The following AP1B1 variants were observed in gnomAD, a reference collection of about 807,000 sequenced individuals.
AP1B1 encodes AP-1 complex subunit beta-1.
Under a neutral mutation model 104.3 loss-of-function variants are expected in AP1B1, and 36 were observed. The ratio of observed to expected loss-of-function variants is 0.35; its 90% CI spans 0.26 to 0.46. AP1B1 has a LOEUF of 0.46. AP1B1 is among the 20% of genes least tolerant of loss of function. AP1B1 has a pLI of 1.00. For missense variants in AP1B1, 901 were observed against 1,247.9 expected, an observed-to-expected ratio of 0.72 and a Z score of 4.19; for synonymous variants, 504 against 517.5, an observed-to-expected ratio of 0.97 and a Z score of 0.35.
chr22:29,354,945 G>T (rs2061932834), intron 6 of AP1B1, 74 bp from the exon 7 acceptor site: 2 of 1,347,958 alleles, frequency 1.5e-6, no homozygotes, highest in Non-Finnish European at 1.0e-6. Flanking sequence ...TACCAAAATA[G>T]CATGTCCAGG....
chr22:29,336,867 C>T (rs1435654088), intron 16 of AP1B1, among the ~76,000 whole-genome samples: 1 of 152,004 alleles, frequency 6.6e-6, no homozygotes, highest in African/African-American at 2.4e-5. Flanking sequence ...AGGCCAGCTC[C>T]AGGCTTATTT....
intron 16 of AP1B1, among the ~76,000 whole-genome samples, chr22:29,335,100 G>C (rs907097048): frequency 4.6e-5 from 7 of 152,210 alleles, no homozygotes; most frequent in African/African-American, 7.2e-5. Context: ...AGCTCGCTGA[G>C]GGAAAGGCTC....
chr22:29,344,884 A>C (rs1331812227), intron 11 of AP1B1, among the ~76,000 whole-genome samples: 2 of 152,078 alleles, frequency 1.3e-5, no homozygotes, highest in Non-Finnish European at 2.9e-5. Context: ...AGATTCAACA[A>C]GACAATATAA....
Position 29,328,628 on chromosome 22 carries a change from C to A in AP1B1, c.*193G>T. Reference sequence around the variant, plus strand: ...AGGGGTGTCCCAGAGCACGGGAGTGCACTGCGCTCTCACCCCAGGAGGGGG... The same window carrying A: ...AGGGGTGTCCCAGAGCACGGGAGTGAACTGCGCTCTCACCCCAGGAGGGGG... On this transcript the variant is annotated 3_prime_UTR_variant, in exon 23 of 23. Transcript: ENST00000357586. The surrounding 1 kb of genome is among the most constrained non-coding windows in gnomAD (Gnocchi z 4.1). 1 of 637,202 alleles carries A rather than the reference C, an allele frequency of 1.6e-6. No homozygotes were observed. The highest frequency in any genetic ancestry group is 1.8e-5 in the African/African-American group (1 of 54,404). The allele number at this position is 637,202 out of a possible 1,614,324, so 39.5% of individuals were successfully genotyped here.
At chr22:29,387,454 T>C (rs986007392) in intron 1 of AP1B1, among the ~76,000 whole-genome samples, 2 of 152,108 alleles carry the variant, frequency 1.3e-5, no homozygotes, top group African/African-American at 2.4e-5. Flanking sequence ...ATTACAGGCG[T>C]ACGCCACCAT....
intron 1 of AP1B1, among the ~76,000 whole-genome samples, chr22:29,377,285 G>C (rs2062361214): frequency 6.6e-6 from 1 of 151,514 alleles, no homozygotes; most frequent in South Asian, 2.1e-4. Flanking sequence ...GGTAAGGCCA[G>C]CTGGAAGACT....
chr22:29,342,678 G>A lies in AP1B1; in HGVS notation c.1438-295C>T, dbSNP rs150688636. 7.6e-3 allele frequency among the ~76,000 whole-genome samples: 1,160 copies of A among 152,314 alleles called. 19 individuals are homozygous for A. Among genetic ancestry groups the A allele is most frequent in the African/African-American group, 0.027 (1,105 of 41,566 alleles). ...CCTAGGGTTTTAGAAACCTGTTGGAGCTCTAGAATTCACAGAACTATGAGA... is the reference window on the plus strand; with the variant it reads ...CCTAGGGTTTTAGAAACCTGTTGGAACTCTAGAATTCACAGAACTATGAGA... On this transcript the variant is annotated intron_variant, in intron 11 of 22. Transcript: ENST00000357586.
chr22:29,331,902 G>A lies in AP1B1; in HGVS notation c.2324C>T (p.Pro775Leu). 6.2e-7 allele frequency: 1 copy of A among 1,611,174 alleles called. No homozygotes were observed. The highest frequency in any genetic ancestry group is 8.5e-7 in the Non-Finnish European group (1 of 1,178,738). The change falls in exon 18 of 23, where the codon CCC becomes CTC. Residue 775 changes from proline to leucine, a missense_variant. This residue lies in a region of AP1B1 where 424 missense variants were observed against 494.0 expected (regional missense o/e 0.86). Transcript: ENST00000357586. ...CGCGTGGACCTGGAGGGGGGCGGCG[G>A]GGGCCAGGCCAAAGCTGGGGAGAGA... ...QFNRNSFGLA[P>L]AAPLQVHAPL... is the part of the protein sequence containing the mutation.
In AP1B1 at chr22:29,350,067, G is replaced by A. The variant is rs1487620840; in HGVS notation, c.1239C>T (p.Val413=). 1.2e-6 allele frequency: 2 copies of A among 1,614,074 alleles called. No homozygotes were observed. The highest frequency in any genetic ancestry group is 1.7e-6 in the Non-Finnish European group (2 of 1,180,030). ...VNYVVQEAIV[V]IKDIFRKYPN... ...GGTACTTGCGGAAGATGTCCTTGATGACCACGATGGCCTCCTGGACCACAT... is the reference window on the plus strand; with the variant it reads ...GGTACTTGCGGAAGATGTCCTTGATAACCACGATGGCCTCCTGGACCACAT... The change falls in exon 10 of 23, where the codon GTC becomes GTT. Residue 413 remains valine, a synonymous_variant. Transcript: ENST00000357586.
intron 1 of AP1B1, among the ~76,000 whole-genome samples, chr22:29,383,437 G>A (rs1480167550): frequency 6.6e-6 from 1 of 152,126 alleles, no homozygotes; most frequent in Admixed American, 6.5e-5. Context: ...TGGGCCGGGT[G>A]CGGTGGCTCA....
At chr22:29,346,233 C>T (rs1215553249) in intron 11 of AP1B1, among the ~76,000 whole-genome samples, 1 of 152,216 alleles carries the variant, frequency 6.6e-6, no homozygotes, top group Non-Finnish European at 1.5e-5. Flanking sequence ...AGACTCTTGG[C>T]TTACCTCTCC....
In AP1B1 at chr22:29,363,187, C is replaced by T. The variant is rs535081437; in HGVS notation, c.38-81G>A. 64 of 742,564 alleles carry T rather than the reference C, an allele frequency of 8.6e-5. 2 individuals carry two copies. The highest frequency in any genetic ancestry group is 6.4e-4 in the South Asian group (41 of 63,876). 46.0% of individuals were successfully genotyped at this position (742,564 alleles called of 1,614,324 possible). ...CCCAGTATCTAACTTCCAAAAGAAC[C>T]GGAGGGAGGCACGTAAGACATCCTA... On this transcript the variant is annotated intron_variant, in intron 2 of 22. Coordinates refer to ENST00000357586, the MANE Select transcript of AP1B1 (RefSeq NM_001127.4).
At chr22:29,341,097 T>G (rs2061707912) in intron 13 of AP1B1, among the ~76,000 whole-genome samples, 1 of 152,186 alleles carries the variant, frequency 6.6e-6, no homozygotes, top group Non-Finnish European at 1.5e-5. Flanking sequence ...CCTCAGCCCA[T>G]GCTAAGAAGA....
rs924105665 is a variant in AP1B1, at chr22:29,329,912, T to A, written c.2767-192A>T. ...GTGGGGGAGAAGCAGAGTTTGGGGCTGTCCGGGGCCCTGGAACAGCGGTGC... is the reference window on the plus strand; with the variant it reads ...GTGGGGGAGAAGCAGAGTTTGGGGCAGTCCGGGGCCCTGGAACAGCGGTGC... On this transcript the variant is annotated intron_variant, in intron 21 of 22. Transcript: ENST00000357586. 2.1e-6 allele frequency: 3 copies of A among 1,435,774 alleles called. No homozygotes were observed. The African/African-American group carries it at 4.3e-5, about 21-fold the overall frequency. 88.9% of individuals were successfully genotyped at this position (1,435,774 alleles called of 1,614,324 possible).
At chr22:29,357,463 T>G (rs1193932662) in intron 5 of AP1B1, among the ~76,000 whole-genome samples, 1 of 152,102 alleles carries the variant, frequency 6.6e-6, no homozygotes, top group East Asian at 1.9e-4. Context: ...CCTCCTGGGC[T>G]CAAGCAATCC....
At chr22:29,338,964 G>A (rs1271510744) in intron 16 of AP1B1, 26 bp downstream of exon 16, 8 of 1,613,478 alleles carry the variant, frequency 5.0e-6, no homozygotes, top group Middle Eastern at 1.7e-4. Context: ...CTCTGCTCCC[G>A]CCAAGACAGA....
chr22:29,387,675 T>C (rs1006263799), intron 1 of AP1B1, among the ~76,000 whole-genome samples: 3 of 152,172 alleles, frequency 2.0e-5, no homozygotes, highest in Non-Finnish European at 2.9e-5. Context: ...ACTTTGCAGG[T>C]CTCTGACAGC....
intron 19 of AP1B1, 85 bp downstream of exon 19, chr22:29,331,364 G>C: frequency 7.5e-7 from 1 of 1,327,440 alleles, no homozygotes; most frequent in Non-Finnish European, 1.1e-6. Flanking sequence ...CAGTCCATCT[G>C]GACCTTGGTA....
In AP1B1 at chr22:29,350,125, G is replaced by C; in HGVS notation, c.1181C>G (p.Thr394Arg). The C allele has an allele frequency of 6.2e-7, 1 of 1,614,160 alleles. No homozygotes were observed. Among genetic ancestry groups the C allele is most frequent in the Non-Finnish European group, 8.5e-7 (1 of 1,180,002 alleles). The change falls in exon 10 of 23, where the codon ACG becomes AGG. Residue 394 changes from threonine to arginine, a missense_variant. Thr to Arg is a moderately conservative substitution (Grantham distance 71). This residue lies in a region of AP1B1 where 471 missense variants were observed against 696.7 expected (regional missense o/e 0.68). Coordinates refer to ENST00000357586, the MANE Select transcript of AP1B1 (RefSeq NM_001127.4). ...VEQSAERCVSTLLDLIQTKVN... is the reference protein window; with the variant it reads ...VEQSAERCVSRLLDLIQTKVN... ...CTTGGTCTGGATGAGGTCGAGCAGC[G>C]TGCTCACACAGCGCTCCGCAGATTG...
Sources: allele counts gnomAD v4.1 joint callset (sites outside exome capture counted in the v4.1 genomes callset), GRCh38; gene constraint gnomAD v4.1.1; regional missense constraint gnomAD v4.1.1; non-coding constraint Gnocchi (gnomAD v3.1); transcripts MANE v1.5; gene names NCBI Gene and HGNC (gene_info 2026-07-23, HGNC 2026-07-21).